SPOCK3: variants seen among roughly 807,000 people sequenced by gnomAD.
SPOCK3 encodes SPARC (osteonectin), cwcv and kazal like domains proteoglycan 3.
SPOCK3 carries 30 observed loss-of-function variants against 56.6 expected under a neutral mutation model. The observed-to-expected ratio is 0.53, with a 90% CI of 0.40 to 0.72. The LOEUF is 0.72. Ranked by LOEUF, SPOCK3 falls within the 30% of genes least tolerant of loss-of-function variation. SPOCK3 has a pLI of 0.00. For synonymous variants in SPOCK3, 196 were observed against 183.3 expected (o/e 1.07, Z -0.56); for missense variants, 527 against 530.0 (o/e 0.99, Z 0.06).
At chr4:166,742,126 T>C in intron 8 of SPOCK3, 67 bp from the exon 9 acceptor site, 1 of 1,180,984 alleles carries the variant, frequency 8.5e-7, no homozygotes, top group South Asian at 1.3e-5. Context: ...ATTTCTATGT[T>C]ATCAAACTTC....
chr4:166,817,313 G>T (rs2198743), intron 6 of SPOCK3, among the ~76,000 whole-genome samples: 55,891 of 151,788 alleles, frequency 0.37, 12,128 homozygotes, highest in East Asian at 0.72. Context: ...TACCTCTTAT[G>T]TTCCAGGACA....
intron 6 of SPOCK3, among the ~76,000 whole-genome samples, chr4:166,821,598 G>A (rs1744944807): frequency 6.6e-6 from 1 of 151,928 alleles, no homozygotes; most frequent in South Asian, 2.1e-4. Context: ...ATACTATGCA[G>A]CAATAAAAAG....
At chr4:167,232,448 TAGA>T (rs1293542312) in intron 2 of SPOCK3, among the ~76,000 whole-genome samples, 3 of 152,172 alleles carry the variant, frequency 2.0e-5, no homozygotes. Context: ...AATTCATTTC[TAGA>T]AGATTTTAAA....
intron 6 of SPOCK3, among the ~76,000 whole-genome samples, chr4:166,850,603 G>T (rs1374264793): frequency 1.3e-5 from 2 of 152,222 alleles, no homozygotes; most frequent in Non-Finnish European, 2.9e-5. Flanking sequence ...CAGGTCACTG[G>T]GTGCGTGCAC....
At chr4:167,157,011 A>T (rs1764874077) in intron 2 of SPOCK3, among the ~76,000 whole-genome samples, 2 of 152,254 alleles carry the variant, frequency 1.3e-5, no homozygotes, top group South Asian at 4.1e-4. Context: ...TCTTGCATTA[A>T]GTTTTACTTG....
chr4:167,023,024 A>T (rs1751346053), intron 3 of SPOCK3, among the ~76,000 whole-genome samples: 1 of 152,000 alleles, frequency 6.6e-6, no homozygotes, highest in South Asian at 2.1e-4. Context: ...CAAGAAATTC[A>T]TGTACACAAT....
At chr4:167,084,398 T>C (rs960676463) in intron 2 of SPOCK3, among the ~76,000 whole-genome samples, 2 of 152,162 alleles carry the variant, frequency 1.3e-5, no homozygotes, top group Non-Finnish European at 2.9e-5. Context: ...TTCTCTCTTT[T>C]ATATTTTTTC....
intron 2 of SPOCK3, among the ~76,000 whole-genome samples, chr4:167,193,973 C>T (rs549109517): frequency 6.2e-4 from 95 of 152,284 alleles, no homozygotes; most frequent in African/African-American, 1.6e-3. Context: ...CCTCTCTTCT[C>T]GTTCTGAAAA....
chr4:166,945,778 G>T (rs1579745097), intron 4 of SPOCK3, among the ~76,000 whole-genome samples: 1 of 152,136 alleles, frequency 6.6e-6, no homozygotes, highest in Non-Finnish European at 1.5e-5. Context: ...TGCTTCTACT[G>T]TTCAGGCTCC....
chr4:166,948,950 TTCCATTC>T (rs1462011111), intron 4 of SPOCK3, among the ~76,000 whole-genome samples: 6 of 152,198 alleles, frequency 3.9e-5, no homozygotes, highest in African/African-American at 1.4e-4. Flanking sequence ...TCCAACTTGG[TTCCATTC>T]TCCCCATCAC....
At chr4:167,177,257 G>A (rs1053225722) in intron 2 of SPOCK3, among the ~76,000 whole-genome samples, 1 of 152,012 alleles carries the variant, frequency 6.6e-6, no homozygotes, top group African/African-American at 2.4e-5. Flanking sequence ...AGATCAAAAG[G>A]CCCAGGAAGA....
At chr4:167,216,284 C>T (rs1007151606) in intron 2 of SPOCK3, among the ~76,000 whole-genome samples, 6 of 151,952 alleles carry the variant, frequency 3.9e-5, no homozygotes, top group Admixed American at 2.0e-4. Flanking sequence ...AGGCAACTTA[C>T]AGTTGCAGCT....
intron 2 of SPOCK3, among the ~76,000 whole-genome samples, chr4:167,103,395 C>A (rs1759825446): frequency 6.6e-6 from 1 of 152,108 alleles, no homozygotes; most frequent in African/African-American, 2.4e-5. Flanking sequence ...AATCCCAGGC[C>A]TGACAGCATT....
At chr4:167,119,768 A>T (rs1258571207) in intron 2 of SPOCK3, 1 of 1,483,650 alleles carries the variant, frequency 6.7e-7, no homozygotes, top group Non-Finnish European at 9.1e-7. Context: ...ATTTCACGTT[A>T]ACATATATTT....
intron 2 of SPOCK3, among the ~76,000 whole-genome samples, chr4:167,091,926 T>C (rs972377211): frequency 6.6e-6 from 1 of 152,138 alleles, no homozygotes; most frequent in Admixed American, 6.5e-5. Flanking sequence ...ATATTATGAA[T>C]AAAAAATATC....
chr4:166,796,991 C>T, intron 6 of SPOCK3, among the ~76,000 whole-genome samples: 1 of 152,132 alleles, frequency 6.6e-6, no homozygotes, highest in Middle Eastern at 3.2e-3. Flanking sequence ...CCTCCCATTA[C>T]CTAGGGCCAC....
intron 6 of SPOCK3, among the ~76,000 whole-genome samples, chr4:166,864,466 A>G (rs1731574369): frequency 6.6e-6 from 1 of 152,082 alleles, no homozygotes; most frequent in East Asian, 1.9e-4. Flanking sequence ...GACACGAAAA[A>G]CCTTTCAAAA....
chr4:167,077,481 C>T (rs1336203717), intron 2 of SPOCK3, among the ~76,000 whole-genome samples: 2 of 151,798 alleles, frequency 1.3e-5, no homozygotes, highest in African/African-American at 4.8e-5. Context: ...GAACAAGATT[C>T]CCTTTAGAAT....
chr4:167,001,226 G>A (rs1214196746), intron 3 of SPOCK3, among the ~76,000 whole-genome samples: 1 of 151,998 alleles, frequency 6.6e-6, no homozygotes, highest in Non-Finnish European at 1.5e-5. Flanking sequence ...AATATTAGAA[G>A]AATTTCATCA....
Sources: allele counts gnomAD v4.1 joint callset (sites outside exome capture counted in the v4.1 genomes callset), GRCh38; gene constraint gnomAD v4.1.1; transcripts MANE v1.5; gene names NCBI Gene and HGNC (gene_info 2026-07-23, HGNC 2026-07-21).